MREG: variants seen among roughly 807,000 people sequenced by gnomAD.
The protein encoded by MREG is dilute suppressor protein homolog.
MREG carries 31 observed loss-of-function variants against 28.5 expected under a neutral mutation model. The ratio of observed to expected loss-of-function variants is 1.09; its 90% confidence interval spans 0.82 to 1.47. The LOEUF is 1.47. Among genes scored for constraint, MREG ranks in the 40% most tolerant of loss-of-function variants. MREG has a pLI of 0.00. For missense variants in MREG, 256 were observed against 257.4 expected, an observed-to-expected ratio of 0.99 and a Z score of 0.04; for synonymous variants, 106 against 95.2, an observed-to-expected ratio of 1.11 and a Z score of -0.66.
intron 2 of MREG, among the ~76,000 whole-genome samples, chr2:215,966,512 G>A (rs1019412430): frequency 5.3e-5 from 8 of 152,058 alleles, no homozygotes; most frequent in African/African-American, 1.9e-4. Context: ...TTAATAAAAG[G>A]GGCAGTATGT....
chr2:215,979,479 T>A (rs200487831), intron 2 of MREG, among the ~76,000 whole-genome samples: 9,042 of 125,708 alleles, frequency 0.072, 795 homozygotes, highest in African/African-American at 0.21. Context: ...ATAATAATAA[T>A]AATAATAATA....
At chr2:215,979,463 C>CAAAA (rs747741518) in intron 2 of MREG, among the ~76,000 whole-genome samples, 3 of 105,688 alleles carry the variant, frequency 2.8e-5, no homozygotes, top group African/African-American at 1.4e-4. Context: ...AACTCCATCT[C>CAAAA]AAAAAATAAT....
intron 1 of MREG, among the ~76,000 whole-genome samples, chr2:216,023,322 T>G (rs1694552736): frequency 6.6e-6 from 1 of 152,240 alleles, no homozygotes; most frequent in South Asian, 2.1e-4. Context: ...TTTCTTTTAC[T>G]CAACAGATGG....
intron 2 of MREG, among the ~76,000 whole-genome samples, chr2:215,954,445 AACACAC>A (rs3078454): frequency 1.3e-3 from 173 of 136,604 alleles, no homozygotes; most frequent in Non-Finnish European, 2.2e-3. Context: ...ATCTGTGTAC[AACACAC>A]ACACACACAC....
intron 2 of MREG, among the ~76,000 whole-genome samples, chr2:215,954,013 T>C (rs1373731264): frequency 1.3e-5 from 2 of 152,224 alleles, no homozygotes; most frequent in East Asian, 1.9e-4. Context: ...CAGAAGTGTC[T>C]TAGGCAATGA....
chr2:215,949,088 T>TAATAATAAC (rs1692412019), intron 2 of MREG, among the ~76,000 whole-genome samples: 1 of 116,642 alleles, frequency 8.6e-6, no homozygotes, highest in South Asian at 2.6e-4. Context: ...CTACTACTAC[T>TAATAATAAC]AATAATAATA....
chr2:216,021,129 A>G (rs6435930), intron 1 of MREG, among the ~76,000 whole-genome samples: 109,589 of 152,024 alleles, frequency 0.72, 39,678 homozygotes, highest in African/African-American at 0.77. Flanking sequence ...CCAAGAATCC[A>G]TGTTTTTAGT....
intron 2 of MREG, among the ~76,000 whole-genome samples, chr2:215,977,145 CAG>C (rs1693284147): frequency 6.6e-6 from 1 of 152,180 alleles, no homozygotes; most frequent in African/African-American, 2.4e-5. Flanking sequence ...ATCTCACTTG[CAG>C]AGACACACAT....
chr2:216,033,981 GA>G (rs2105937576), upstream of MREG: 1 of 152,314 alleles, frequency 6.6e-6, no homozygotes, highest in East Asian at 1.9e-4. Context: ...ATATGGTTTA[GA>G]ATCTTCCCGC....
chr2:215,955,913 T>G (rs1168052690), intron 2 of MREG, among the ~76,000 whole-genome samples: 1 of 152,154 alleles, frequency 6.6e-6, no homozygotes, highest in African/African-American at 2.4e-5. Context: ...TACACAGAAC[T>G]GTTGATGTCA....
chr2:215,994,688 C>A (rs1342197058), intron 2 of MREG, among the ~76,000 whole-genome samples: 1 of 149,652 alleles, frequency 6.7e-6, no homozygotes, highest in Non-Finnish European at 1.5e-5. Flanking sequence ...CAAGGACCAG[C>A]ACAAAAAAGA....
chr2:216,006,875 G>A (rs1323000210), intron 1 of MREG, among the ~76,000 whole-genome samples: 4 of 152,128 alleles, frequency 2.6e-5, no homozygotes, highest in Non-Finnish European at 5.9e-5. Context: ...ACTGGCACCT[G>A]GTTTCCCTAG....
chr2:216,026,789 T>G lies in MREG; in HGVS notation c.-68+6000A>C, dbSNP rs143815729. Among the ~76,000 whole-genome samples the G allele has an allele frequency of 3.2e-3, 486 of 152,344 alleles. 3 individuals carry two copies. The highest frequency in any genetic ancestry group is 0.011 in the African/African-American group (474 of 41,582). On this transcript the variant is annotated intron_variant, in intron 1 of 3. Coordinates refer to the MREG transcript ENST00000420348. ...GAACAGCCCACTTTATGAAAATTAA[T>G]GCTCTACTGTAAGAACCTTAATTTT...
At chr2:215,991,635 A>C in intron 2 of MREG, among the ~76,000 whole-genome samples, 1 of 152,180 alleles carries the variant, frequency 6.6e-6, no homozygotes, top group African/African-American at 2.4e-5. Flanking sequence ...GATTAACAAA[A>C]CAGATAGACA....
Position 215,945,753 on chromosome 2 carries a change from C to G in MREG, c.347-19G>C, listed in dbSNP as rs374236068. ...TGAAAACCTAAGGTAGAAAAATGGA[C>G]CACTCATGTAAAGTAGTCCCAAGTT... On this transcript the variant is annotated intron_variant, in intron 3 of 4. Transcript: ENST00000263268. 2.5e-6 allele frequency: 4 copies of G among 1,607,110 alleles called. No homozygotes were observed. In the African/African-American group the frequency reaches 5.4e-5, roughly 22 times the overall value.
chr2:215,968,003 A>G (rs1692991847), intron 2 of MREG, among the ~76,000 whole-genome samples: 1 of 152,236 alleles, frequency 6.6e-6, no homozygotes. Context: ...ATGCAAACAC[A>G]TAAGAATCCA....
intron 1 of MREG, among the ~76,000 whole-genome samples, chr2:216,024,116 C>T (rs552740418): frequency 1.3e-5 from 2 of 152,094 alleles, no homozygotes; most frequent in East Asian, 1.9e-4. Flanking sequence ...CTTGCCATGC[C>T]GAGCCTTTCA....
At chr2:215,947,597 T>C (rs1265456040) in intron 2 of MREG, among the ~76,000 whole-genome samples, 1 of 152,188 alleles carries the variant, frequency 6.6e-6, no homozygotes, top group Admixed American at 6.5e-5. Context: ...TCAGAATAGA[T>C]ATTGGAAGCC....
chr2:216,017,835 A>G (rs1694469596), upstream of MREG, among the ~76,000 whole-genome samples: 1 of 152,100 alleles, frequency 6.6e-6, no homozygotes, highest in South Asian at 2.1e-4. Context: ...ACAGGCAGGG[A>G]GGAAAAATTA....
Sources: allele counts gnomAD v4.1 joint callset (sites outside exome capture counted in the v4.1 genomes callset), GRCh38; gene constraint gnomAD v4.1.1; transcripts MANE v1.5; gene names NCBI Gene and HGNC (gene_info 2026-07-23, HGNC 2026-07-21).